Variants in BMI1 observed in about 807,000 individuals in gnomAD.
BMI1 encodes polycomb complex protein BMI-1.
A neutral mutation model predicts 39.1 loss-of-function variants in BMI1; 9 were observed. That is an observed-to-expected ratio of 0.23 (90% CI 0.14 to 0.40). The LOEUF is 0.40. Ranked by LOEUF, BMI1 falls within the 10% of genes least tolerant of loss-of-function variation. The pLI, the probability that BMI1 is intolerant of heterozygous loss-of-function variation, is 1.00. For synonymous variants in BMI1, 131 were observed against 127.9 expected, an observed-to-expected ratio of 1.02 and a Z score of -0.16; for missense variants, 252 against 390.8, an observed-to-expected ratio of 0.64 and a Z score of 2.99.
chr10:22,324,696 G>C (rs1836089915), intron 1 of BMI1, among the ~76,000 whole-genome samples: 1 of 152,246 alleles, frequency 6.6e-6, no homozygotes, highest in South Asian at 2.1e-4. Flanking sequence ...CTTACTGCAA[G>C]TTTCAAAAGG....
At chr10:22,325,850 C>CGGCCCA (rs1836136042) in intron 1 of BMI1, 1 of 152,154 alleles carries the variant, frequency 6.6e-6, no homozygotes, top group Non-Finnish European at 1.5e-5. Context: ...GCTCAGGCCC[C>CGGCCCA]GGCCCAGGCC....
At position 22,321,319 on chromosome 10, in the gene BMI1, G is replaced by C; in HGVS notation, c.-397G>C. The C allele has an allele frequency of 6.5e-6, 1 of 154,324 alleles. No individual in the cohort carries two copies. Among genetic ancestry groups the C allele is most frequent in the East Asian group, 1.9e-4 (1 of 5,156 alleles). 9.6% of individuals were successfully genotyped at this position (154,324 alleles called of 1,614,324 possible). Reference sequence around the variant, plus strand: ...CTTAGCAGCACCTCCCAGCCCCGCAGAATAAAACCGATCGCGCCCCCTCCG... The same window carrying C: ...CTTAGCAGCACCTCCCAGCCCCGCACAATAAAACCGATCGCGCCCCCTCCG... On this transcript the variant is annotated 5_prime_UTR_variant, in exon 1 of 10. Coordinates refer to ENST00000376663, the MANE Select transcript of BMI1 (RefSeq NM_005180.9).
chr10:22,324,851 G>C (rs2132001978), intron 1 of BMI1, among the ~76,000 whole-genome samples: 1 of 152,344 alleles, frequency 6.6e-6, no homozygotes, highest in Admixed American at 6.5e-5. Context: ...TGACTTCCCT[G>C]ACTGTCGGCT....
At chr10:22,323,101 C>T (rs959709177) in intron 1 of BMI1, among the ~76,000 whole-genome samples, 1 of 152,150 alleles carries the variant, frequency 6.6e-6, no homozygotes, top group Admixed American at 6.5e-5. Context: ...TTATAGGAAC[C>T]TTAACTCCCA....
intron 1 of BMI1, among the ~76,000 whole-genome samples, chr10:22,321,930 G>T (rs1319612568): frequency 2.1e-5 from 3 of 144,442 alleles, no homozygotes; most frequent in Non-Finnish European, 4.6e-5. Context: ...GCCGCCCGCC[G>T]ACTCCCGCGG....
rs1476756983 is a variant in BMI1, at chr10:22,329,278, G to T, written c.717G>T (p.Gln239His). The T allele has an allele frequency of 6.2e-7, 1 of 1,614,200 alleles. No individual in the cohort carries two copies. Among genetic ancestry groups the T allele is most frequent in the East Asian group, 2.2e-5 (1 of 44,888 alleles). Residue 239 changes from glutamine (Q) to histidine (H), a missense_variant, in exon 10 of 10, where the codon CAG (glutamine) becomes CAT (histidine). Coordinates refer to ENST00000376663, the MANE Select transcript of BMI1 (RefSeq NM_005180.9). ...GTAAAAGAATGAAGATCAGTCACCA[G>T]AGAGATGGACTGACAAATGCTGGAG... is the stretch of plus-strand genomic sequence containing the variant. ...PTCKRMKISH[Q>H]RDGLTNAGEL... is the part of the protein sequence containing the mutation.
At chr10:22,327,430 TAC>T (rs1836184420) in intron 3 of BMI1, among the ~76,000 whole-genome samples, 163 bp from the exon 4 acceptor site, 1 of 152,200 alleles carries the variant, frequency 6.6e-6, no homozygotes, top group African/African-American at 2.4e-5. Flanking sequence ...AAGTGCTATA[TAC>T]AGAGAACTTT....
In BMI1 at chr10:22,328,056, C is replaced by T. The variant is rs756207806; in HGVS notation, c.423C>T (p.Asn141=). The part of the protein sequence containing the change: ...ISLSIEFFDQ[N]RLDRKVNKDK... ...TATCCATTGAATTCTTTGACCAGAA[C>T]AGGTAAAATCTTTAGGCAATTTATT... The change falls in exon 6 of 10, where the codon AAC becomes AAT. Residue 141 remains asparagine (N), a splice_region_variant and synonymous_variant. Transcript: ENST00000376663. The T allele has an allele frequency of 1.9e-6, 3 of 1,598,590 alleles. No homozygotes were observed. In the East Asian group the frequency reaches 6.7e-5, roughly 36 times the overall value.
At chr10:22,325,496 G>A (rs921163273) in intron 1 of BMI1, among the ~76,000 whole-genome samples, 1 of 151,702 alleles carries the variant, frequency 6.6e-6, no homozygotes, top group African/African-American at 2.4e-5. Context: ...CCAGGACTGG[G>A]TCCCTGGTCC....
rs907146465 is a variant in BMI1, at chr10:22,330,797, T to G, written c.*1255T>G. On this transcript the variant is annotated 3_prime_UTR_variant, in exon 10 of 10. Transcript: ENST00000376663. Reference sequence around the variant, plus strand: ...AAAATAGAAGCTATTTATTATGAGCTTCTACAGGTATTTTTAAATAGAGCA... The same window carrying G: ...AAAATAGAAGCTATTTATTATGAGCGTCTACAGGTATTTTTAAATAGAGCA... 7.2e-5 allele frequency: 11 copies of G among 152,620 alleles called. No homozygotes were observed. The highest frequency in any genetic ancestry group is 1.3e-4 in the Non-Finnish European group (9 of 67,988). The allele number at this position is 152,620 out of a possible 1,614,324, so 9.5% of individuals were successfully genotyped here. A position where few individuals can be genotyped will look rare whatever the true frequency, so the allele number is the denominator to read the frequency against.
intron 1 of BMI1, chr10:22,325,620 C>T (rs1417579956): frequency 1.1e-4 from 16 of 145,582 alleles, no homozygotes; most frequent in Middle Eastern, 3.3e-3. Context: ...GGCGCGCCGC[C>T]CCTCCCCCGC....
rs1171745705 is a variant in BMI1 at position 22,330,791 on chromosome 10, A to C, written c.*1249A>C. The C allele has an allele frequency of 6.6e-6, 1 of 152,626 alleles. No homozygotes were observed. The highest frequency in any genetic ancestry group is 1.5e-5 in the Non-Finnish European group (1 of 67,992). 9.5% of individuals were successfully genotyped at this position (152,626 alleles called of 1,614,324 possible). A position where few individuals can be genotyped will look rare whatever the true frequency, so the allele number is the denominator to read the frequency against. On this transcript the variant is annotated 3_prime_UTR_variant, in exon 10 of 10. Transcript: ENST00000376663. ...TGTCTGAAAATAGAAGCTATTTATT[A>C]TGAGCTTCTACAGGTATTTTTAAAT...
Position 22,330,973 on chromosome 10 carries a change from A to G in BMI1, c.*1431A>G, listed in dbSNP as rs918355498. 2 of 152,560 alleles carry G rather than the reference A, an allele frequency of 1.3e-5. No individual in the cohort carries two copies. Among genetic ancestry groups the G allele is most frequent in the African/African-American group, 2.4e-5 (1 of 41,448 alleles). The allele number at this position is 152,560 out of a possible 1,614,324, so 9.5% of individuals were successfully genotyped here. Reference sequence around the variant, plus strand: ...TATTGTTTCATGTTTGTATGGGAAAATTGTAGCTAAACATTTCATTGTCCC... The same window carrying G: ...TATTGTTTCATGTTTGTATGGGAAAGTTGTAGCTAAACATTTCATTGTCCC... On this transcript the variant is annotated 3_prime_UTR_variant, in exon 10 of 10. Coordinates refer to ENST00000376663, the MANE Select transcript of BMI1 (RefSeq NM_005180.9).
chr10:22,321,216 A>C lies in BMI1; in HGVS notation c.-500A>C, dbSNP rs932364884. 1 of 149,030 alleles carries C rather than the reference A, an allele frequency of 6.7e-6. No individual in the cohort carries two copies. Among genetic ancestry groups the C allele is most frequent in the South Asian group, 2.2e-4 (1 of 4,592 alleles). 9.2% of individuals were successfully genotyped at this position (149,030 alleles called of 1,614,324 possible). ...CCGCCCGCCCGCCTCCCCCACAGCA[A>C]CTATGAAATAATCGTAGTATGAGAG... On this transcript the variant is annotated 5_prime_UTR_variant, in exon 1 of 10. Coordinates refer to ENST00000376663, the MANE Select transcript of BMI1 (RefSeq NM_005180.9).
rs537510143 is a variant in BMI1, at chr10:22,330,378, T to C, written c.*836T>C. 1.5e-4 allele frequency: 23 copies of C among 152,790 alleles called. No homozygotes were observed. Among genetic ancestry groups the C allele is most frequent in the African/African-American group, 5.5e-4 (23 of 41,594 alleles). The allele number at this position is 152,790 out of a possible 1,614,324, so 9.5% of individuals were successfully genotyped here. A position where few individuals can be genotyped will look rare whatever the true frequency, so the allele number is the denominator to read the frequency against. ...CCTTTGCAGATACCCATAACCTATG[T>C]TGAGCCTTGCTTACCAGCAAAGAAT... On this transcript the variant is annotated 3_prime_UTR_variant, in exon 10 of 10. Transcript: ENST00000376663.
chr10:22,329,609 AG>A lies in BMI1; in HGVS notation c.*68del. ...TATATAGATATCTTCATGCCATTAC[AG>A]CTTTCTAGATGCTAATACATGTGAC... On this transcript the variant is annotated 3_prime_UTR_variant, in exon 10 of 10. Transcript: ENST00000376663. 18 of 1,517,912 alleles carry A rather than the reference AG, an allele frequency of 1.2e-5. No individual in the cohort carries two copies. Among genetic ancestry groups the A allele is most frequent in the Non-Finnish European group, 1.6e-5 (18 of 1,126,186 alleles). 94.0% of individuals were successfully genotyped at this position (1,517,912 alleles called of 1,614,324 possible). A position where few individuals can be genotyped will look rare whatever the true frequency, so the allele number is the denominator to read the frequency against.
chr10:22,326,163 C>T (rs181609603), intron 1 of BMI1: 50 of 332,940 alleles, frequency 1.5e-4, no homozygotes, highest in Non-Finnish European at 2.4e-4. Flanking sequence ...GACCCTAATA[C>T]GCTCAGCTCC....
chr10:22,326,315 G>C, intron 1 of BMI1, 116 bp from the exon 2 acceptor site: 2 of 1,410,518 alleles, frequency 1.4e-6, no homozygotes, highest in South Asian at 2.7e-5. Context: ...CGTTAGGACA[G>C]CCCAGCTGTA....
Position 22,329,196 on chromosome 10 carries a change from T to C in BMI1, c.652-17T>C, listed in dbSNP as rs1836231701. On this transcript the variant is annotated splice_polypyrimidine_tract_variant and intron_variant, in intron 9 of 9. Coordinates refer to ENST00000376663, the MANE Select transcript of BMI1 (RefSeq NM_005180.9). ...TTTAAAGAATTAAGAGTAATTTTTT[T>C]CCTTTTAACTTTGTAGAATGGTCCA... is the stretch of plus-strand genomic sequence containing the variant. 6.2e-7 allele frequency: 1 copy of C among 1,610,832 alleles called. No individual in the cohort carries two copies.
Sources: gnomAD v4.1 joint callset for allele counts (sites outside exome capture counted in the v4.1 genomes callset) on GRCh38, gnomAD v4.1.1 for gene constraint, MANE v1.5 for transcripts, NCBI Gene and HGNC (gene_info 2026-07-23, HGNC 2026-07-21) for gene names.